The following CTNNA2 variants were observed in gnomAD, a reference collection of about 807,000 sequenced individuals.
The protein encoded by CTNNA2 is catenin alpha 2.
Under a neutral mutation model 101.0 loss-of-function variants are expected in CTNNA2, and 42 were observed. The ratio of observed to expected loss-of-function variants is 0.42; its 90% CI spans 0.32 to 0.54. The LOEUF is 0.54. CTNNA2 is among the 20% of genes least tolerant of loss of function. The pLI is 0.14. For synonymous variants in CTNNA2, 450 were observed against 456.4 expected (o/e 0.99, Z 0.18); for missense variants, 871 against 1,223.1 (o/e 0.71, Z 4.29).
At chr2:79,431,140 G>A (rs1331243550) in intron 4 of CTNNA2, among the ~76,000 whole-genome samples, 4 of 152,062 alleles carry the variant, frequency 2.6e-5, no homozygotes, top group African/African-American at 4.8e-5. Context: ...ACTTTGAGGA[G>A]TTCAGATGAC....
At chr2:79,982,323 T>G (rs1379456680) in intron 7 of CTNNA2, among the ~76,000 whole-genome samples, 2 of 138,470 alleles carry the variant, frequency 1.4e-5, no homozygotes, top group African/African-American at 5.7e-5. Context: ...ATAACATATA[T>G]AACACACATA....
intron 6 of CTNNA2, among the ~76,000 whole-genome samples, chr2:79,908,615 C>T (rs554669222): frequency 5.3e-5 from 8 of 152,312 alleles, no homozygotes; most frequent in South Asian, 2.1e-4. Context: ...TCACGCTCTA[C>T]CCTCCTCATT....
At chr2:80,341,444 A>G (rs1452607100) in intron 7 of CTNNA2, among the ~76,000 whole-genome samples, 1 of 152,176 alleles carries the variant, frequency 6.6e-6, no homozygotes, top group South Asian at 2.1e-4. Context: ...TTTTTATTAT[A>G]CTAGAGATTT....
intron 1 of CTNNA2, among the ~76,000 whole-genome samples, chr2:79,594,759 AT>A (rs1677080902): frequency 6.6e-6 from 1 of 151,910 alleles, no homozygotes; most frequent in African/African-American, 2.4e-5. Flanking sequence ...TATATCTTTA[AT>A]CTATTCCTTG....
In CTNNA2 at chr2:80,560,054, C is replaced by CA. The variant is rs70940085; in HGVS notation, c.1741+4179dup. Among the ~76,000 whole-genome samples, 302 of 55,016 alleles carry CA rather than the reference C, an allele frequency of 5.5e-3. 1 individual carries two copies. The highest frequency in any genetic ancestry group is 0.015 in the Middle Eastern group (2 of 132). 36.1% of individuals were successfully genotyped at this position (55,016 alleles called of 152,430 possible). A position where few individuals can be genotyped will look rare whatever the true frequency, so the allele number is the denominator to read the frequency against. ...TTTTTCTTCAGAGGAAACAATAGAC[C>CA]AAAAAAAAAAAAAAAAAAGAAAAAA... On this transcript the variant is annotated intron_variant, in intron 12 of 18. Transcript: ENST00000402739.
chr2:79,193,966 T>A (rs1472840126), intron 1 of CTNNA2, among the ~76,000 whole-genome samples: 4 of 152,192 alleles, frequency 2.6e-5, no homozygotes, highest in African/African-American at 9.7e-5. Flanking sequence ...TTTTTATCAT[T>A]ATGATAACTT....
chr2:79,420,517 C>G (rs369456419), intron 4 of CTNNA2, among the ~76,000 whole-genome samples: 1 of 152,164 alleles, frequency 6.6e-6, no homozygotes, highest in African/African-American at 2.4e-5. Flanking sequence ...CTCTGTGGTA[C>G]AGTTAACAAA....
intron 4 of CTNNA2, among the ~76,000 whole-genome samples, chr2:79,863,981 G>A (rs935197646): frequency 1.2e-4 from 18 of 152,204 alleles, no homozygotes; most frequent in African/African-American, 4.1e-4. Context: ...AGCTTCCTCT[G>A]CTGCAGGAGC....
chr2:79,187,258 TTCTTTTC>T (rs1262512467), intron 1 of CTNNA2, among the ~76,000 whole-genome samples: 1 of 108,908 alleles, frequency 9.2e-6, no homozygotes, highest in East Asian at 2.7e-4. Context: ...TTCTTTTCTT[TTCTTTTC>T]TTTTCTTTTT....
intron 4 of CTNNA2, among the ~76,000 whole-genome samples, chr2:79,482,146 A>G (rs188689962): frequency 1.8e-4 from 28 of 152,282 alleles, no homozygotes; most frequent in African/African-American, 6.0e-4. Context: ...TTCAGTGTCT[A>G]TTTCAGTTGA....
At chr2:80,107,016 G>A (rs1700930368) in intron 7 of CTNNA2, among the ~76,000 whole-genome samples, 1 of 152,040 alleles carries the variant, frequency 6.6e-6, no homozygotes, top group African/African-American at 2.4e-5. Context: ...CTAAATTATG[G>A]GTCATTACTG....
intron 3 of CTNNA2, among the ~76,000 whole-genome samples, chr2:79,839,245 T>C (rs1235803933): frequency 6.6e-6 from 1 of 152,104 alleles, no homozygotes; most frequent in Admixed American, 6.5e-5. Flanking sequence ...TATATTGTGC[T>C]ACTGTCTCCT....
At chr2:80,129,770 G>A (rs1355338660) in intron 7 of CTNNA2, among the ~76,000 whole-genome samples, 2 of 152,088 alleles carry the variant, frequency 1.3e-5, no homozygotes, top group Non-Finnish European at 2.9e-5. Context: ...CCACATAACT[G>A]GTAAGTGATG....
chr2:80,450,046 A>G (rs933313485), intron 9 of CTNNA2, among the ~76,000 whole-genome samples: 1 of 152,230 alleles, frequency 6.6e-6, no homozygotes, highest in Non-Finnish European at 1.5e-5. Flanking sequence ...CTCTTAATGC[A>G]AAGCTATGAT....
At chr2:80,426,901 A>G (rs1237716442) in intron 9 of CTNNA2, among the ~76,000 whole-genome samples, 2 of 152,032 alleles carry the variant, frequency 1.3e-5, no homozygotes, top group Non-Finnish European at 2.9e-5. Context: ...TTCAGCTTTC[A>G]GCCTGAATAT....
At chr2:79,648,299 G>C (rs908237518) in intron 1 of CTNNA2, among the ~76,000 whole-genome samples, 1 of 152,112 alleles carries the variant, frequency 6.6e-6, no homozygotes, top group Non-Finnish European at 1.5e-5. Context: ...GAGGATGTTT[G>C]ACTCATTTTG....
intron 7 of CTNNA2, among the ~76,000 whole-genome samples, chr2:80,151,410 A>C (rs992697246): frequency 2.0e-5 from 3 of 152,118 alleles, no homozygotes; most frequent in African/African-American, 7.2e-5. Flanking sequence ...ATGACAAGCT[A>C]TTGCTTCTCT....
At chr2:79,201,200 A>G (rs940922009) in intron 2 of CTNNA2, among the ~76,000 whole-genome samples, 2 of 152,148 alleles carry the variant, frequency 1.3e-5, no homozygotes, top group African/African-American at 4.8e-5. Context: ...ATGCAATGGG[A>G]AAAAGACTGA....
At chr2:80,633,403 T>A (rs1360262275) in intron 18 of CTNNA2, among the ~76,000 whole-genome samples, 1 of 152,176 alleles carries the variant, frequency 6.6e-6, no homozygotes, top group Non-Finnish European at 1.5e-5. Flanking sequence ...ATATCTCAGG[T>A]GAATCCTGAT....
Sources: allele counts gnomAD v4.1 joint callset (sites outside exome capture counted in the v4.1 genomes callset), GRCh38; gene constraint gnomAD v4.1.1; transcripts MANE v1.5; gene names NCBI Gene and HGNC (gene_info 2026-07-23, HGNC 2026-07-21).